The following LRRCC1 variants were observed in gnomAD, a reference collection of about 807,000 sequenced individuals.
LRRCC1 encodes leucine rich repeat and coiled-coil centrosomal protein 1.
A neutral mutation model predicts 126.0 loss-of-function variants in LRRCC1; 115 were observed. The ratio of observed to expected loss-of-function variants is 0.91; its 90% CI spans 0.78 to 1.07. The LOEUF (loss-of-function observed/expected upper bound fraction) is 1.07. Among genes scored for constraint, LRRCC1 ranks in the 50% least tolerant of loss-of-function variants. The pLI is 0.00. For synonymous variants in LRRCC1, 400 were observed against 393.4 expected, an observed-to-expected ratio of 1.02 and a Z score of -0.20; for missense variants, 1,172 against 1,175.7, an observed-to-expected ratio of 1.00 and a Z score of 0.05.
At chr8:85,142,279 A>G (rs1811306424) in intron 18 of LRRCC1, among the ~76,000 whole-genome samples, 2 of 152,146 alleles carry the variant, frequency 1.3e-5, no homozygotes, top group African/African-American at 4.8e-5. Flanking sequence ...GTGACAAAGC[A>G]AGATTCTGTC....
At position 85,135,869 on chromosome 8, in the gene LRRCC1, A is replaced by T. The variant is rs1466172164; in HGVS notation, c.2235A>T (p.Lys745Asn). The T allele has an allele frequency of 3.1e-6, 5 of 1,607,952 alleles. No homozygotes were observed. Among genetic ancestry groups the T allele is most frequent in the Admixed American group, 1.7e-5 (1 of 59,466 alleles). The change falls in exon 14 of 19, where the codon AAA becomes AAT. Residue 745 changes from lysine (K) to asparagine (N), a missense_variant. Coordinates refer to ENST00000360375, the MANE Select transcript of LRRCC1 (RefSeq NM_033402.5). ...SIQIELLKHE[K>N]VQLISELAAK... is the part of the protein sequence containing the mutation. ...AAATAGAACTTCTCAAGCACGAAAA[A>T]GTCCAGCTTATTTCTGAGCTAGCAG...
Position 85,115,503 on chromosome 8 carries a change from G to T in LRRCC1, c.849G>T (p.Glu283Asp). Residue 283 changes from glutamate to aspartate, a missense_variant, in exon 6 of 19, where the codon GAG becomes GAT. By Grantham distance (45) the Glu-to-Asp change is conservative (BLOSUM62 2). Coordinates refer to ENST00000360375, the MANE Select transcript of LRRCC1 (RefSeq NM_033402.5). ...CTGTGTGTCAATCTTCTGAGCCAGA[G>T]AAAAATAATCATGAAAACGATTTGC... ...FMSVCQSSEP[E>D]KNNHENDLQN... The T allele has an allele frequency of 6.2e-7, 1 of 1,613,658 alleles. No homozygotes were observed. Among genetic ancestry groups the T allele is most frequent in the Non-Finnish European group, 8.5e-7 (1 of 1,179,784 alleles).
chr8:85,111,641 T>C (rs547686477), intron 3 of LRRCC1, among the ~76,000 whole-genome samples: 1 of 152,056 alleles, frequency 6.6e-6, no homozygotes, highest in East Asian at 1.9e-4. Flanking sequence ...CAGCAAAAGA[T>C]TTGAACAGAC....
chr8:85,109,467 C>T (rs1808520379), intron 1 of LRRCC1, 128 bp from the exon 2 acceptor site: 1 of 597,012 alleles, frequency 1.7e-6, no homozygotes, highest in East Asian at 2.8e-5. Flanking sequence ...AAAGGTACCA[C>T]AAATAGGAAA....
At chr8:85,134,162 T>C (rs1810690435) in intron 12 of LRRCC1, among the ~76,000 whole-genome samples, 1 of 152,122 alleles carries the variant, frequency 6.6e-6, no homozygotes. Context: ...AACCCACATC[T>C]CCCAACACTT....
In LRRCC1 at chr8:85,134,999, T is replaced by C. The variant is rs1810748897; in HGVS notation, c.2121T>C (p.Ser707=). 1 of 1,545,498 alleles carries C rather than the reference T, an allele frequency of 6.5e-7. No individual in the cohort carries two copies. Among genetic ancestry groups the C allele is most frequent in the South Asian group, 1.3e-5 (1 of 78,802 alleles). The change falls in exon 13 of 19, where the codon TCT becomes TCC. Residue 707 remains serine, a synonymous_variant. Transcript: ENST00000360375. ...KEQKTKLAEV[S]KLKQETAANL... is the part of the protein sequence containing the mutation. The stretch of plus-strand genomic sequence containing the variant: ...AAAAAACAAAACTGGCAGAAGTTTC[T>C]AAATTGAAACAAGAAACAGCAGCAA...
intron 17 of LRRCC1, 106 bp from the exon 18 acceptor site, chr8:85,141,276 G>T: frequency 1.3e-6 from 1 of 784,814 alleles, no homozygotes; most frequent in South Asian, 2.1e-5. Context: ...ACTGAGTTAT[G>T]TTTCCATTAG....
At chr8:85,112,147 C>G (rs551503431) in intron 3 of LRRCC1, among the ~76,000 whole-genome samples, 1 of 152,140 alleles carries the variant, frequency 6.6e-6, no homozygotes, top group South Asian at 2.1e-4. Context: ...CAGTCTTGAG[C>G]CTGTACTGGC....
At chr8:85,130,306 T>A (rs1810369318) in intron 11 of LRRCC1, among the ~76,000 whole-genome samples, 1 of 151,730 alleles carries the variant, frequency 6.6e-6, no homozygotes, top group South Asian at 2.1e-4. Context: ...GGCTAATTTT[T>A]TTTTTTTTTG....
chr8:85,123,182 T>C (rs1366832725), intron 6 of LRRCC1, among the ~76,000 whole-genome samples: 1 of 152,204 alleles, frequency 6.6e-6, no homozygotes, highest in African/African-American at 2.4e-5. Context: ...GTAGTTTTTA[T>C]TTTTGTTTTG....
At chr8:85,140,362 A>G (rs1347755783) in intron 17 of LRRCC1, among the ~76,000 whole-genome samples, 1 of 152,172 alleles carries the variant, frequency 6.6e-6, no homozygotes, top group Admixed American at 6.5e-5. Context: ...GGTTGGCAGA[A>G]CAGTCCTGTT....
intron 14 of LRRCC1, among the ~76,000 whole-genome samples, chr8:85,136,279 CTTTT>C (rs371836707): frequency 1.4e-5 from 2 of 146,410 alleles, no homozygotes; most frequent in African/African-American, 2.5e-5. Context: ...AAAAATAATT[CTTTT>C]TTTTTTTTGA....
At chr8:85,135,410 A>G (rs1453500202) in intron 13 of LRRCC1, among the ~76,000 whole-genome samples, 3 of 152,182 alleles carry the variant, frequency 2.0e-5, no homozygotes, top group Non-Finnish European at 4.4e-5. Context: ...TAGATGTAAT[A>G]ATCATTAAAT....
At chr8:85,121,549 C>A (rs1039595439) in intron 6 of LRRCC1, among the ~76,000 whole-genome samples, 1 of 152,152 alleles carries the variant, frequency 6.6e-6, no homozygotes, top group Non-Finnish European at 1.5e-5. Flanking sequence ...TCAAGCAATT[C>A]TCCTGCCTCA....
intron 4 of LRRCC1, 148 bp downstream of exon 4, chr8:85,113,247 T>C: frequency 1.6e-6 from 1 of 633,818 alleles, no homozygotes; most frequent in South Asian, 2.1e-5. Flanking sequence ...ATAAAATTAG[T>C]GTATTAAGAC....
chr8:85,139,844 A>G (rs1811142306), intron 17 of LRRCC1, among the ~76,000 whole-genome samples: 1 of 152,216 alleles, frequency 6.6e-6, no homozygotes, highest in Non-Finnish European at 1.5e-5. Context: ...AATCTAATGT[A>G]ACCTGGAATT....
chr8:85,109,392 T>C (rs2135909402), intron 1 of LRRCC1: 1 of 542,952 alleles, frequency 1.8e-6, no homozygotes, highest in Non-Finnish European at 3.2e-6. Context: ...CGGTTTCTTG[T>C]TTGTATAAAT....
chr8:85,113,169 G>T, intron 4 of LRRCC1, 70 bp downstream of exon 4: 1 of 1,236,882 alleles, frequency 8.1e-7, no homozygotes, highest in Non-Finnish European at 1.1e-6. Flanking sequence ...CCTGAAATTG[G>T]CATTCGTGAC....
intron 6 of LRRCC1, among the ~76,000 whole-genome samples, chr8:85,120,711 C>G (rs747523319): frequency 6.6e-6 from 1 of 152,110 alleles, no homozygotes; most frequent in Non-Finnish European, 1.5e-5. Flanking sequence ...TAATATTTAG[C>G]CTTTTGTGAC....
Sources: gnomAD v4.1 joint callset for allele counts (sites outside exome capture counted in the v4.1 genomes callset) on GRCh38, gnomAD v4.1.1 for gene constraint, MANE v1.5 for transcripts, NCBI Gene and HGNC (gene_info 2026-07-23, HGNC 2026-07-21) for gene names.